USP13: variants seen among roughly 807,000 people sequenced by gnomAD.
The protein encoded by USP13 is ubiquitin specific peptidase 13.
A neutral mutation model predicts 107.8 loss-of-function variants in USP13; 68 were observed. That is an observed-to-expected ratio of 0.63 (90% CI 0.52 to 0.77). The LOEUF (loss-of-function observed/expected upper bound fraction) is 0.77. Ranked by LOEUF, USP13 falls within the 30% of genes least tolerant of loss-of-function variation. The pLI, the probability that USP13 is intolerant of heterozygous loss-of-function variation, is 0.00. For missense variants in USP13, 945 were observed against 1,093.3 expected, an observed-to-expected ratio of 0.86 and a Z score of 1.91; for synonymous variants, 377 against 389.5, an observed-to-expected ratio of 0.97 and a Z score of 0.38.
rs139223653 is a variant in USP13, at chr3:179,667,224, A to G, written c.168+13831A>G. Reference sequence around the variant, plus strand: ...GACATCTTTTACTCGGTAATTCTGCATAAGGCTCTCCCCAACAGTGAAAGC... The same window carrying G: ...GACATCTTTTACTCGGTAATTCTGCGTAAGGCTCTCCCCAACAGTGAAAGC... On this transcript the variant is annotated intron_variant, in intron 1 of 20. Transcript: ENST00000263966. 4.4e-3 allele frequency among the ~76,000 whole-genome samples: 664 copies of G among 150,694 alleles called. 9 individuals carry two copies. The highest frequency in any genetic ancestry group is 0.015 in the African/African-American group (626 of 41,496).
intron 13 of USP13, among the ~76,000 whole-genome samples, chr3:179,750,317 T>TAC (rs1714558616): frequency 4.6e-5 from 2 of 43,920 alleles, no homozygotes; most frequent in African/African-American, 1.4e-4. Flanking sequence ...TATATATATA[T>TAC]ATATGTGTGT....
chr3:179,739,466 A>G (rs1331373071), intron 10 of USP13, among the ~76,000 whole-genome samples: 3 of 152,216 alleles, frequency 2.0e-5, no homozygotes, highest in Non-Finnish European at 2.9e-5. Context: ...CTTTCTTGTA[A>G]GTGCTCCATT....
At chr3:179,768,951 T>C (rs1167572971) in intron 19 of USP13, among the ~76,000 whole-genome samples, 2 of 152,200 alleles carry the variant, frequency 1.3e-5, no homozygotes, top group African/African-American at 4.8e-5. Context: ...TATATTAATT[T>C]TAGCAACTTA....
At chr3:179,668,714 G>A (rs553324756) in intron 1 of USP13, among the ~76,000 whole-genome samples, 7 of 152,192 alleles carry the variant, frequency 4.6e-5, no homozygotes, top group Non-Finnish European at 7.4e-5. Flanking sequence ...GAGCCACTGC[G>A]CCCAGTCCTA....
At chr3:179,687,844 G>C (rs1163700030) in intron 2 of USP13, among the ~76,000 whole-genome samples, 1 of 151,706 alleles carries the variant, frequency 6.6e-6, no homozygotes, top group African/African-American at 2.4e-5. Context: ...TCTTCTACAG[G>C]ATGAAGTCCA....
intron 11 of USP13, among the ~76,000 whole-genome samples, chr3:179,741,577 G>A (rs62290420): frequency 0.015 from 2,245 of 151,926 alleles, 30 homozygotes; most frequent in Non-Finnish European, 0.022. Context: ...GGCTGGTCTC[G>A]AACTCCTGAC....
chr3:179,764,237 A>G, intron 18 of USP13, 69 bp downstream of exon 18: 2 of 1,525,942 alleles, frequency 1.3e-6, no homozygotes, highest in Non-Finnish European at 1.8e-6. Context: ...GTAGCAGTTG[A>G]GACTTTCCAA....
At chr3:179,677,012 C>A (rs1288846255) in intron 1 of USP13, among the ~76,000 whole-genome samples, 2 of 152,020 alleles carry the variant, frequency 1.3e-5, no homozygotes, top group Non-Finnish European at 2.9e-5. Context: ...CACCTGCCAC[C>A]ATGCCTAGCT....
At chr3:179,739,755 C>T (rs1236805649) in intron 10 of USP13, among the ~76,000 whole-genome samples, 2 of 152,270 alleles carry the variant, frequency 1.3e-5, no homozygotes, top group South Asian at 2.1e-4. Context: ...GACAGGGTTT[C>T]GCCATGTTGG....
intron 1 of USP13, among the ~76,000 whole-genome samples, chr3:179,674,139 C>T (rs961683717): frequency 4.6e-5 from 7 of 152,204 alleles, no homozygotes; most frequent in Non-Finnish European, 7.4e-5. Context: ...GTGATTCACC[C>T]GCCTCAGCCT....
At chr3:179,767,169 TACCTC>T (rs1376616915) in intron 19 of USP13, among the ~76,000 whole-genome samples, 1 of 152,228 alleles carries the variant, frequency 6.6e-6, no homozygotes, top group Admixed American at 6.5e-5. Context: ...AGCTCATGCT[TACCTC>T]ATATGCTAGC....
Position 179,738,077 on chromosome 3 carries a change from C to T in USP13, c.1255-2170C>T, listed in dbSNP as rs138678864. Among the ~76,000 whole-genome samples, 414 of 152,268 alleles carry T rather than the reference C, an allele frequency of 2.7e-3. 2 individuals carry two copies. The highest frequency in any genetic ancestry group is 9.6e-3 in the African/African-American group (398 of 41,556). On this transcript the variant is annotated intron_variant, in intron 10 of 20. Transcript: ENST00000263966. Reference sequence around the variant, plus strand: ...GACTGTGATTCTGCAAACGTGTCATCGTCCCCAGACTATAGGCATGGACCT... The same window carrying T: ...GACTGTGATTCTGCAAACGTGTCATTGTCCCCAGACTATAGGCATGGACCT...
intron 6 of USP13, 126 bp from the exon 7 acceptor site, chr3:179,719,814 G>A: frequency 1.8e-6 from 1 of 552,096 alleles, no homozygotes; most frequent in South Asian, 4.2e-5. Context: ...TTGAATGTTA[G>A]AAAGTTTTCG....
intron 6 of USP13, among the ~76,000 whole-genome samples, chr3:179,715,313 T>C (rs578050949): frequency 6.6e-6 from 1 of 151,950 alleles, no homozygotes; most frequent in African/African-American, 2.4e-5. Flanking sequence ...ACCTATTCTC[T>C]CTTTAAAGAG....
At chr3:179,730,517 C>A in intron 9 of USP13, 99 bp from the exon 10 acceptor site, 3 of 1,016,334 alleles carry the variant, frequency 3.0e-6, no homozygotes, top group Non-Finnish European at 4.4e-6. Flanking sequence ...AATGCTCCAC[C>A]TAACAGCAGT....
Position 179,721,733 on chromosome 3 carries a change from T to G in USP13, c.1088+144T>G. On this transcript the variant is annotated intron_variant, in intron 8 of 20. Transcript: ENST00000263966. The surrounding 1 kb of genome is among the most constrained non-coding windows in gnomAD (Gnocchi z 4.3). ...TCTCTGGCCTGCCTTCTACAGAGAC[T>G]GGGTGAGAACACTTGTCAAGTATTA... The G allele has an allele frequency of 1.2e-6, 1 of 854,914 alleles. No individual in the cohort carries two copies. The allele number at this position is 854,914 out of a possible 1,614,324, so 53.0% of individuals were successfully genotyped here.
rs1238418058 is a variant in USP13, at chr3:179,653,625, C to A, written c.168+232C>A. 1 of 560,768 alleles carries A rather than the reference C, an allele frequency of 1.8e-6. No homozygotes were observed. The highest frequency in any genetic ancestry group is 3.3e-5 in the East Asian group (1 of 30,182). 34.7% of individuals were successfully genotyped at this position (560,768 alleles called of 1,614,324 possible). A position where few individuals can be genotyped will look rare whatever the true frequency, so the allele number is the denominator to read the frequency against. ...CGCCAGCCTCCCCAGGCTGGAAGGG[C>A]CCGATTCCCAGCAGCTTGCACACAG... On this transcript the variant is annotated intron_variant, in intron 1 of 20. Transcript: ENST00000263966. This position sits in a 1 kb window ranked among gnomAD's most constrained non-coding sequence, Gnocchi z 4.0.
At chr3:179,773,265 G>A (rs1715396391) in intron 19 of USP13, among the ~76,000 whole-genome samples, 2 of 152,196 alleles carry the variant, frequency 1.3e-5, no homozygotes, top group Non-Finnish European at 2.9e-5. Flanking sequence ...TACAGAGGGA[G>A]TTAGAGATAG....
intron 10 of USP13, among the ~76,000 whole-genome samples, chr3:179,730,968 T>C (rs1276453661): frequency 1.3e-5 from 2 of 152,240 alleles, no homozygotes; most frequent in Non-Finnish European, 2.9e-5. Context: ...CAGTATTCTT[T>C]ATAAAATAGA....
Sources: allele counts gnomAD v4.1 joint callset (sites outside exome capture counted in the v4.1 genomes callset), GRCh38; gene constraint gnomAD v4.1.1; non-coding constraint Gnocchi (gnomAD v3.1); transcripts MANE v1.5; gene names NCBI Gene and HGNC (gene_info 2026-07-23, HGNC 2026-07-21).